Variants in PCDHA1 observed in about 807,000 individuals in gnomAD.
The protein encoded by PCDHA1 is protocadherin alpha 1, also known as protocadherin alpha-1.
A neutral mutation model predicts 61.3 loss-of-function variants in PCDHA1; 42 were observed. The ratio of observed to expected loss-of-function variants is 0.69; its 90% CI spans 0.54 to 0.89. The LOEUF is 0.89. Ranked by LOEUF, PCDHA1 falls within the 40% of genes least tolerant of loss-of-function variation. The pLI, the probability that PCDHA1 is intolerant of heterozygous loss-of-function variation, is 0.00. For missense variants in PCDHA1, 1,256 were observed against 1,235.3 expected (o/e 1.02, Z -0.25); for synonymous variants, 610 against 553.8 (o/e 1.10, Z -1.43).
chr5:140,949,260 T>A (rs1292112980), intron 1 of PCDHA1, among the ~76,000 whole-genome samples: 1 of 151,804 alleles, frequency 6.6e-6, no homozygotes, highest in African/African-American at 2.4e-5. Flanking sequence ...GATGAACATA[T>A]CACGTGCACT....
chr5:140,832,681 A>C (rs1347638323), intron 1 of PCDHA1, among the ~76,000 whole-genome samples: 2 of 152,234 alleles, frequency 1.3e-5, no homozygotes, highest in Non-Finnish European at 1.5e-5. Flanking sequence ...GAATCATCGA[A>C]TTAACAAGAC....
chr5:140,886,827 G>GAAAAAAAAA, intron 1 of PCDHA1, among the ~76,000 whole-genome samples: 1 of 60,890 alleles, frequency 1.6e-5, no homozygotes, highest in Non-Finnish European at 3.3e-5. Flanking sequence ...ACTTCGTCTT[G>GAAAAAAAAA]AAAAAAAAAA....
intron 1 of PCDHA1, chr5:140,857,530 G>T (rs1554150174): frequency 2.5e-6 from 4 of 1,597,696 alleles, no homozygotes; most frequent in Non-Finnish European, 3.4e-6. Flanking sequence ...ACTCTCTGGT[G>T]GAGCGGCGGT....
chr5:140,874,010 T>C (rs1002287481), intron 1 of PCDHA1, among the ~76,000 whole-genome samples: 7 of 152,208 alleles, frequency 4.6e-5, no homozygotes, highest in Non-Finnish European at 8.8e-5. Context: ...TTGACCACTT[T>C]TGAAAATGAA....
Position 140,787,420 on chromosome 5 carries a change from G to C in PCDHA1, c.1130G>C (p.Arg377Pro). The C allele has an allele frequency of 6.2e-7, 1 of 1,614,236 alleles. No homozygotes were observed. The highest frequency in any genetic ancestry group is 8.5e-7 in the Non-Finnish European group (1 of 1,180,044). The change falls in exon 1 of 4, where the codon CGT becomes CCT. Residue 377 changes from arginine to proline, a missense_variant. By Grantham distance (103) the Arg-to-Pro change is moderately radical (BLOSUM62 -2). Transcript: ENST00000504120. ...TVIALITVSDRDSGANGQVTC... is the reference protein window; with the variant it reads ...TVIALITVSDPDSGANGQVTC... ...ATCGCCCTCATCACCGTGTCTGACC[G>C]TGACTCAGGTGCCAACGGGCAGGTG...
At chr5:140,937,174 A>G (rs1449263512) in intron 1 of PCDHA1, among the ~76,000 whole-genome samples, 1 of 151,302 alleles carries the variant, frequency 6.6e-6, no homozygotes, top group Non-Finnish European at 1.5e-5. Flanking sequence ...AGTAGCTGGG[A>G]CTACAGGCGC....
At chr5:140,850,831 G>C (rs981885351) in intron 1 of PCDHA1, 1 of 1,598,080 alleles carries the variant, frequency 6.3e-7, no homozygotes, top group Non-Finnish European at 8.6e-7. Context: ...CTTTCTCCTT[G>C]TGCTGGATCT....
At chr5:140,796,688 G>A (rs1554120046) in intron 1 of PCDHA1, 2 of 1,613,940 alleles carry the variant, frequency 1.2e-6, no homozygotes, top group East Asian at 2.2e-5. Context: ...ACCGCTGCTG[G>A]CGCAGTGAGT....
chr5:141,006,426 G>A (rs2153987618), intron 3 of PCDHA1, among the ~76,000 whole-genome samples: 1 of 152,170 alleles, frequency 6.6e-6, no homozygotes, highest in Admixed American at 6.5e-5. Context: ...TGTTAGCCAG[G>A]ATGGTCTCAA....
chr5:140,941,214 C>CCTTCCTTTCTTTCTTT (rs1554214040), intron 1 of PCDHA1, among the ~76,000 whole-genome samples: 12 of 122,414 alleles, frequency 9.8e-5, no homozygotes, highest in Admixed American at 6.8e-4. Flanking sequence ...TTTCTTTCTT[C>CCTTCCTTTCTTTCTTT]CTTTCTTTCT....
rs782660322 is a variant in PCDHA1, at chr5:140,795,720, A to G, written c.2394+7036A>G. On this transcript the variant is annotated intron_variant, in intron 1 of 3. Coordinates refer to ENST00000504120, the MANE Select transcript of PCDHA1 (RefSeq NM_018900.4). ...AATCAGTTTACAAAGTAAAATTGTT[A>G]GAGAATACGGCAAATGGGACCTTAG... The G allele has an allele frequency of 7.4e-6, 12 of 1,614,006 alleles. No homozygotes were observed. In the South Asian group the frequency reaches 9.9e-5, roughly 13 times the overall value.
Position 140,856,993 on chromosome 5 carries a change from T to C in PCDHA1, c.2394+68309T>C, listed in dbSNP as rs201643490. Reference sequence around the variant, plus strand: ...TTGACTTTGAGGACAGTAACACTTATGAAATTCATGTAGATGTTACAGATA... The same window carrying C: ...TTGACTTTGAGGACAGTAACACTTACGAAATTCATGTAGATGTTACAGATA... On this transcript the variant is annotated intron_variant, in intron 1 of 3. Coordinates refer to ENST00000504120, the MANE Select transcript of PCDHA1 (RefSeq NM_018900.4). The C allele has an allele frequency of 7.3e-5, 117 of 1,595,326 alleles. 13 individuals are homozygous for C. The highest frequency in any genetic ancestry group is 9.6e-5 in the Non-Finnish European group (112 of 1,165,156).
intron 1 of PCDHA1, among the ~76,000 whole-genome samples, chr5:140,847,064 A>G (rs1159869188): frequency 1.3e-5 from 2 of 149,866 alleles, no homozygotes; most frequent in Non-Finnish European, 3.0e-5. Flanking sequence ...AGAAAGCATC[A>G]ATATGACAAG....
intron 1 of PCDHA1, chr5:140,843,071 T>C (rs2150189286): frequency 2.5e-6 from 4 of 1,595,230 alleles, no homozygotes; most frequent in East Asian, 2.2e-5. Context: ...GGTGCCGCGG[T>C]CTGTGGGCGC....
At position 140,850,183 on chromosome 5, in the gene PCDHA1, C is replaced by A. The variant is rs2150471701; in HGVS notation, c.2394+61499C>A. The A allele has an allele frequency of 1.8e-5, 29 of 1,593,776 alleles. 2 individuals carry two copies. In the South Asian group the frequency reaches 3.1e-4, roughly 17 times the overall value. On this transcript the variant is annotated intron_variant, in intron 1 of 3. Coordinates refer to ENST00000504120, the MANE Select transcript of PCDHA1 (RefSeq NM_018900.4). The stretch of plus-strand genomic sequence containing the variant: ...GTGCTGGACGAGAACGACAATGCGC[C>A]GGCGCTGCTGACACCTCGGATGAGG...
intron 1 of PCDHA1, chr5:140,969,308 A>G (rs782412499): frequency 1.9e-6 from 3 of 1,614,196 alleles, no homozygotes; most frequent in Middle Eastern, 3.3e-4. Context: ...TATTCTCAAA[A>G]ATGAGGCTGT....
At chr5:140,840,962 C>T (rs188711112) in intron 1 of PCDHA1, among the ~76,000 whole-genome samples, 3 of 152,096 alleles carry the variant, frequency 2.0e-5, no homozygotes, top group African/African-American at 7.2e-5. Flanking sequence ...AAATTCCTTT[C>T]CTTATGAAGA....
chr5:140,971,778 G>T (rs1346530602), intron 1 of PCDHA1, among the ~76,000 whole-genome samples: 1 of 151,860 alleles, frequency 6.6e-6, no homozygotes, highest in Admixed American at 6.6e-5. Flanking sequence ...TATTATTCAA[G>T]ATTATTCAAT....
chr5:140,906,337 C>A (rs2072574983), intron 1 of PCDHA1, among the ~76,000 whole-genome samples: 1 of 152,192 alleles, frequency 6.6e-6, no homozygotes, highest in Non-Finnish European at 1.5e-5. Flanking sequence ...ATCCTTCATA[C>A]AACCAAGAAT....
Sources: allele counts gnomAD v4.1 joint callset (sites outside exome capture counted in the v4.1 genomes callset), GRCh38; gene constraint gnomAD v4.1.1; transcripts MANE v1.5; gene names NCBI Gene and HGNC (gene_info 2026-07-23, HGNC 2026-07-21).